Variants in ITPR1 observed in about 807,000 individuals in gnomAD.
The protein encoded by ITPR1 is inositol 1,4,5-trisphosphate-gated calcium channel ITPR1.
ITPR1 carries 96 observed loss-of-function variants against 318.4 expected under a neutral mutation model. The observed-to-expected ratio is 0.30, with a 90% CI of 0.26 to 0.36. The LOEUF is 0.36. Ranked by LOEUF, ITPR1 falls within the 10% of genes least tolerant of loss-of-function variation. The probability of loss-of-function intolerance (pLI) is 1.00; values close to 1 mark genes in which losing one functional copy is unlikely to be tolerated. For synonymous variants in ITPR1, 1,312 were observed against 1,289.9 expected, an observed-to-expected ratio of 1.02 and a Z score of -0.37; for missense variants, 2,440 against 3,460.2, an observed-to-expected ratio of 0.71 and a Z score of 7.40.
rs1243167762 is a variant in ITPR1 at position 4,710,460 on chromosome 3, G to A, written c.4978G>A (p.Gly1660Ser). The change falls in exon 38 of 62, where the codon GGT becomes AGT. Residue 1660 changes from glycine (G) to serine (S), a missense_variant. Coordinates refer to ENST00000649015, the MANE Select transcript of ITPR1 (RefSeq NM_001378452.1). This position sits in a 1 kb window ranked among gnomAD's most constrained non-coding sequence, Gnocchi z 4.2. ...CGCCAGAAGGAAATGTGAAAGTGGC[G>A]GTTTCATTTGCAAGTAAGCGGCCTC... ...TDARRKCESGGFICKLIKHTK... is the reference protein window; with the variant it reads ...TDARRKCESGSFICKLIKHTK... The A allele has an allele frequency of 1.4e-5, 21 of 1,552,748 alleles. No homozygotes were observed. Among genetic ancestry groups the A allele is most frequent in the Admixed American group, 7.8e-5 (4 of 51,196 alleles).
intron 14 of ITPR1, 23 bp downstream of exon 14, chr3:4,661,110 C>G (rs2093822714): frequency 7.2e-7 from 1 of 1,380,128 alleles, no homozygotes; most frequent in Admixed American, 1.7e-5. Flanking sequence ...ACTTGCCTGT[C>G]TCCTTTTGGT....
intron 10 of ITPR1, among the ~76,000 whole-genome samples, chr3:4,648,653 T>C (rs1303934575): frequency 6.6e-6 from 1 of 151,904 alleles, no homozygotes; most frequent in Non-Finnish European, 1.5e-5. Context: ...CTACTAAAAA[T>C]ACAAAAATTA....
chr3:4,818,282 G>A (rs1187812482), intron 60 of ITPR1, 40 bp downstream of exon 60: 1 of 1,522,392 alleles, frequency 6.6e-7, no homozygotes. Context: ...TGGACTTGGG[G>A]CCTACTCAGC....
intron 44 of ITPR1, among the ~76,000 whole-genome samples, chr3:4,754,896 T>C (rs1485303598): frequency 6.6e-6 from 1 of 152,250 alleles, no homozygotes; most frequent in East Asian, 1.9e-4. Flanking sequence ...GTCTGGAGGC[T>C]TTCCAATCTT....
At position 4,680,655 on chromosome 3, in the gene ITPR1, G is replaced by C. The variant is rs1020207172; in HGVS notation, c.3070G>C (p.Gly1024Arg). The part of the protein sequence containing the change: ...SNSQTSETSS[G>R]NSSQEGPSNV... ...TTCCCAGACTTCAGAAACATCCTCC[G>C]GAAACAGCAGCCAAGAAGGGCCAAG... The change falls in exon 25 of 62, where the codon GGA becomes CGA. Residue 1024 changes from glycine (G) to arginine (R), a missense_variant. Around this residue, in one of 23 missense-constraint regions of ITPR1, gnomAD observed 57 missense variants for 46.2 expected, o/e 1.23. Transcript: ENST00000649015. The C allele has an allele frequency of 1.2e-6, 2 of 1,613,480 alleles. No individual in the cohort carries two copies. The highest frequency in any genetic ancestry group is 1.7e-5 in the Admixed American group (1 of 59,996).
intron 61 of ITPR1, among the ~76,000 whole-genome samples, chr3:4,838,082 A>G (rs1017768479): frequency 6.6e-6 from 1 of 152,154 alleles, no homozygotes; most frequent in Non-Finnish European, 1.5e-5. Flanking sequence ...TTTAATCATC[A>G]TACTTAGATT....
intron 53 of ITPR1, chr3:4,800,221 A>G: frequency 1.9e-6 from 1 of 537,132 alleles, no homozygotes; most frequent in Non-Finnish European, 3.2e-6. Context: ...AGAACTTCCC[A>G]GCAGAAGGAG....
intron 4 of ITPR1, among the ~76,000 whole-genome samples, chr3:4,603,473 A>AG (rs2091454434): frequency 6.6e-6 from 1 of 152,052 alleles, no homozygotes; most frequent in Non-Finnish European, 1.5e-5. Context: ...TCTGTCACCC[A>AG]GGCTGGAGTG....
intron 35 of ITPR1, among the ~76,000 whole-genome samples, chr3:4,701,130 C>T (rs1342125573): frequency 1.3e-5 from 2 of 152,206 alleles, no homozygotes; most frequent in South Asian, 4.1e-4. Context: ...ATTTAATCAT[C>T]TTTTGTACAC....
chr3:4,793,452 G>T (rs76800974), intron 52 of ITPR1, among the ~76,000 whole-genome samples: 2 of 152,148 alleles, frequency 1.3e-5, no homozygotes, highest in Non-Finnish European at 2.9e-5. Flanking sequence ...CAGCTTCAGC[G>T]GTTATCAACT....
At chr3:4,512,341 C>T (rs1287509486) in intron 2 of ITPR1, among the ~76,000 whole-genome samples, 5 of 152,174 alleles carry the variant, frequency 3.3e-5, no homozygotes, top group South Asian at 4.2e-4. Context: ...CCATAGGCAG[C>T]GCGATGGGGA....
At chr3:4,673,646 A>C (rs1384614327) in intron 21 of ITPR1, among the ~76,000 whole-genome samples, 1 of 152,140 alleles carries the variant, frequency 6.6e-6, no homozygotes, top group African/African-American at 2.4e-5. Flanking sequence ...GCAGTGGCGC[A>C]ATCTCGGCTC....
At chr3:4,720,000 G>T (rs959308377) in intron 40 of ITPR1, among the ~76,000 whole-genome samples, 1 of 152,150 alleles carries the variant, frequency 6.6e-6, no homozygotes, top group Non-Finnish European at 1.5e-5. Context: ...TTACACATGT[G>T]TACACCTGTG....
At chr3:4,594,515 A>T (rs1198564252) in intron 4 of ITPR1, among the ~76,000 whole-genome samples, 1 of 152,166 alleles carries the variant, frequency 6.6e-6, no homozygotes, top group Non-Finnish European at 1.5e-5. Context: ...ATGAGAGCCA[A>T]ATCCCTTGTC....
intron 5 of ITPR1, among the ~76,000 whole-genome samples, chr3:4,632,456 G>A (rs1192281561): frequency 6.6e-6 from 1 of 152,174 alleles, no homozygotes; most frequent in East Asian, 1.9e-4. Context: ...TCCCATGGGT[G>A]GGTCTGGAGG....
intron 44 of ITPR1, chr3:4,749,509 A>G (rs1302632892): frequency 6.6e-6 from 1 of 152,298 alleles, no homozygotes; most frequent in Non-Finnish European, 1.5e-5. Context: ...GGGCCTCCAT[A>G]TACACTGAGA....
chr3:4,685,490 G>A (rs1404870430), intron 30 of ITPR1, among the ~76,000 whole-genome samples: 4 of 152,360 alleles, frequency 2.6e-5, no homozygotes, highest in East Asian at 1.9e-4. Flanking sequence ...CTTGGTCTGT[G>A]TCAGAGCTTA....
intron 2 of ITPR1, among the ~76,000 whole-genome samples, chr3:4,495,077 C>T (rs1199275982): frequency 6.6e-6 from 1 of 152,166 alleles, no homozygotes; most frequent in East Asian, 1.9e-4. Flanking sequence ...TGGCAGGTCC[C>T]TGTTGTTTTG....
chr3:4,711,435 G>A (rs1345056075), intron 38 of ITPR1, among the ~76,000 whole-genome samples: 1 of 152,036 alleles, frequency 6.6e-6, no homozygotes, highest in Non-Finnish European at 1.5e-5. Flanking sequence ...AATTCTCAGT[G>A]GATAAATAGC....
Sources: gnomAD v4.1 joint callset for allele counts (sites outside exome capture counted in the v4.1 genomes callset) on GRCh38, gnomAD v4.1.1 for gene constraint, gnomAD v4.1.1 regional missense constraint, Gnocchi (gnomAD v3.1) non-coding constraint, MANE v1.5 for transcripts, NCBI Gene and HGNC (gene_info 2026-07-23, HGNC 2026-07-21) for gene names.